Variants in RIN3 observed in about 807,000 individuals in gnomAD.
RIN3 encodes the protein Ras and Rab interactor 3, also known as RAB5 interacting protein 3.
In RIN3, 54 loss-of-function variants were observed where a neutral mutation model predicts 76.3. The observed-to-expected ratio is 0.71, with a 90% CI of 0.57 to 0.89. RIN3 has a LOEUF of 0.89. Among genes scored for constraint, RIN3 ranks in the 40% least tolerant of loss-of-function variants. The probability of loss-of-function intolerance (pLI) is 0.00; values close to 1 mark genes in which losing one functional copy is unlikely to be tolerated. For synonymous variants in RIN3, 576 were observed against 564.0 expected (o/e 1.02, Z -0.30); for missense variants, 1,256 against 1,322.1 (o/e 0.95, Z 0.78).
At chr14:92,589,335 T>C (rs1219365665) in intron 3 of RIN3, among the ~76,000 whole-genome samples, 1 of 152,090 alleles carries the variant, frequency 6.6e-6, no homozygotes, top group Non-Finnish European at 1.5e-5. Context: ...CTATCCTTCA[T>C]TGTCTGTTTC....
At chr14:92,572,764 G>A (rs1385103232) in intron 2 of RIN3, among the ~76,000 whole-genome samples, 2 of 152,002 alleles carry the variant, frequency 1.3e-5, no homozygotes, top group East Asian at 3.9e-4. Context: ...TCCGTGGGTT[G>A]GTGAAAGCAG....
intron 4 of RIN3, among the ~76,000 whole-genome samples, chr14:92,620,390 A>G (rs988885625): frequency 3.9e-5 from 6 of 152,236 alleles, no homozygotes; most frequent in Non-Finnish European, 7.3e-5. Context: ...TTCTATTTAC[A>G]AGAGTATACG....
chr14:92,561,005 G>A (rs1190795215), intron 2 of RIN3, among the ~76,000 whole-genome samples: 6 of 50,592 alleles, frequency 1.2e-4, no homozygotes, highest in African/African-American at 4.0e-4. Context: ...TGGGCAACAA[G>A]AGCGAAACTC....
rs866821865 is a variant in RIN3 at position 92,634,603 on chromosome 14, C to T, written c.441-6635C>T. Among the ~76,000 whole-genome samples the T allele has an allele frequency of 9.2e-5, 14 of 152,086 alleles. No individual in the cohort carries two copies. In the South Asian group the frequency reaches 2.1e-3, roughly 23 times the overall value. On this transcript the variant is annotated intron_variant, in intron 4 of 9. Coordinates refer to ENST00000216487, the MANE Select transcript of RIN3 (RefSeq NM_024832.5). ...ATTCTCAGCTGGGCGTGGTGGCTCA[C>T]GCCTGTAATCCCAGCACTTTGGGAG...
At chr14:92,517,721 G>T (rs2139988316) in intron 1 of RIN3, among the ~76,000 whole-genome samples, 1 of 152,286 alleles carries the variant, frequency 6.6e-6, no homozygotes, top group South Asian at 2.1e-4. Flanking sequence ...TCTGAAACAT[G>T]GATGTTTTCC....
At chr14:92,677,108 C>G (rs1403642490) in intron 8 of RIN3, among the ~76,000 whole-genome samples, 1 of 152,198 alleles carries the variant, frequency 6.6e-6, no homozygotes, top group African/African-American at 2.4e-5. Flanking sequence ...CCCAGGGACT[C>G]TCGGCCCCTT....
intron 4 of RIN3, among the ~76,000 whole-genome samples, chr14:92,628,946 GAA>G (rs1886455360): frequency 6.6e-6 from 1 of 151,776 alleles, no homozygotes; most frequent in Non-Finnish European, 1.5e-5. Flanking sequence ...GACAGAAAAA[GAA>G]AGAGAGAGAA....
intron 8 of RIN3, among the ~76,000 whole-genome samples, chr14:92,682,886 C>T (rs1566903777): frequency 6.6e-6 from 1 of 152,298 alleles, no homozygotes; most frequent in East Asian, 1.9e-4. Flanking sequence ...ATCATCCTGG[C>T]CAGGCATGGT....
At chr14:92,532,335 A>G (rs1896902501) in intron 1 of RIN3, among the ~76,000 whole-genome samples, 1 of 152,180 alleles carries the variant, frequency 6.6e-6, no homozygotes, top group Non-Finnish European at 1.5e-5. Context: ...TTTCCAGGAT[A>G]CAGGGTTTTC....
chr14:92,522,027 T>TG (rs767089161), intron 1 of RIN3, among the ~76,000 whole-genome samples: 7 of 152,152 alleles, frequency 4.6e-5, no homozygotes, highest in African/African-American at 7.2e-5. Context: ...CCTAAGAATC[T>TG]GGGGTGGGGG....
intron 3 of RIN3, among the ~76,000 whole-genome samples, chr14:92,612,765 A>G (rs1395322420): frequency 6.6e-6 from 1 of 152,250 alleles, no homozygotes; most frequent in Non-Finnish European, 1.5e-5. Context: ...AGCCTTAAGC[A>G]TTACTTATGA....
intron 9 of RIN3, chr14:92,687,112 C>CG (rs1888890316): frequency 6.6e-6 from 1 of 152,300 alleles, no homozygotes; most frequent in South Asian, 2.1e-4. Context: ...CCCTGAGCCC[C>CG]GGGGAAGGCG....
chr14:92,561,040 A>AT (rs1306892381), intron 2 of RIN3, among the ~76,000 whole-genome samples: 286 of 15,366 alleles, frequency 0.019, 15 homozygotes, highest in Middle Eastern at 0.1. Context: ...AAAAAAAAAA[A>AT]AAAAATATAT....
intron 3 of RIN3, among the ~76,000 whole-genome samples, chr14:92,584,420 T>C (rs189304246): frequency 6.6e-6 from 1 of 152,146 alleles, no homozygotes; most frequent in Non-Finnish European, 1.5e-5. Context: ...CAGGCCAGCC[T>C]CCAGTAGGAT....
At chr14:92,523,987 A>G (rs1896662023) in intron 1 of RIN3, among the ~76,000 whole-genome samples, 1 of 152,128 alleles carries the variant, frequency 6.6e-6, no homozygotes, top group Admixed American at 6.5e-5. Flanking sequence ...GAGGCCAGGA[A>G]TTCAAGACCA....
chr14:92,654,442 C>T (rs1469009698), intron 6 of RIN3, among the ~76,000 whole-genome samples: 1 of 152,354 alleles, frequency 6.6e-6, no homozygotes, highest in Non-Finnish European at 1.5e-5. Context: ...CCCCAGCCGT[C>T]CCCTGGCGTC....
intron 4 of RIN3, among the ~76,000 whole-genome samples, chr14:92,637,401 C>T (rs138521417): frequency 6.6e-6 from 1 of 152,102 alleles, no homozygotes; most frequent in African/African-American, 2.4e-5. Flanking sequence ...AGGCTGTATG[C>T]GAGCGATGGG....
At chr14:92,628,836 A>G (rs200500342) in intron 4 of RIN3, among the ~76,000 whole-genome samples, 14 of 152,292 alleles carry the variant, frequency 9.2e-5, no homozygotes, top group East Asian at 5.8e-4. Flanking sequence ...GGACAGGGCA[A>G]TTATTCCCAT....
intron 7 of RIN3, among the ~76,000 whole-genome samples, chr14:92,670,845 G>C (rs1888264818): frequency 6.6e-6 from 1 of 152,212 alleles, no homozygotes; most frequent in African/African-American, 2.4e-5. Flanking sequence ...CTTGTTGGTA[G>C]CTTGACGTTG....
Sources: gnomAD v4.1 joint callset for allele counts (sites outside exome capture counted in the v4.1 genomes callset) on GRCh38, gnomAD v4.1.1 for gene constraint, MANE v1.5 for transcripts, NCBI Gene and HGNC (gene_info 2026-07-23, HGNC 2026-07-21) for gene names.